The following DNAH8 variants were observed in gnomAD, a reference collection of about 807,000 sequenced individuals.
DNAH8 encodes dynein axonemal heavy chain 8.
A neutral mutation model predicts 562.1 loss-of-function variants in DNAH8; 382 were observed. The ratio of observed to expected loss-of-function variants is 0.68; its 90% CI spans 0.63 to 0.74. DNAH8 has a LOEUF of 0.74. Among genes scored for constraint, DNAH8 ranks in the 30% least tolerant of loss-of-function variants. DNAH8 has a pLI of 0.00. For synonymous variants in DNAH8, 1,881 were observed against 1,919.4 expected (o/e 0.98, Z 0.52); for missense variants, 5,203 against 5,620.4 (o/e 0.93, Z 2.37).
chr6:38,787,783 A>G (rs1447444153), intron 18 of DNAH8, among the ~76,000 whole-genome samples: 1 of 151,956 alleles, frequency 6.6e-6, no homozygotes, highest in African/African-American at 2.4e-5. Flanking sequence ...GTATATTCAG[A>G]TCCTAACACA....
intron 85 of DNAH8, among the ~76,000 whole-genome samples, chr6:38,975,728 AT>A (rs1331548629): frequency 6.6e-6 from 1 of 152,218 alleles, no homozygotes; most frequent in African/African-American, 2.4e-5. Flanking sequence ...TATTTCATAC[AT>A]TCTTATCTGG....
At chr6:39,010,808 C>CAT (rs1339722256) in intron 89 of DNAH8, among the ~76,000 whole-genome samples, 2 of 136,824 alleles carry the variant, frequency 1.5e-5, no homozygotes, top group African/African-American at 5.3e-5. Context: ...TACGCACACA[C>CAT]ACACACACAC....
intron 91 of DNAH8, 99 bp downstream of exon 91, chr6:39,012,736 G>T (rs565264753): frequency 2.3e-6 from 2 of 886,194 alleles, no homozygotes; most frequent in Admixed American, 3.9e-5. Flanking sequence ...ATATGGAGGC[G>T]TAGCTTGCTG....
chr6:38,824,373 A>C (rs1290357564), intron 28 of DNAH8, among the ~76,000 whole-genome samples: 1 of 152,010 alleles, frequency 6.6e-6, no homozygotes, highest in Non-Finnish European at 1.5e-5. Context: ...AGGCGGGTTT[A>C]TTGGAGTAAG....
rs956920094 is a variant in DNAH8 at position 39,000,788 on chromosome 6, C to T, written c.13215-8026C>T. Reference sequence around the variant, plus strand: ...TTGAATCATCCCGAAACTTTTCCGCCGCCTCCCCTCCAGTCTATGGAAAAA... The same window carrying T: ...TTGAATCATCCCGAAACTTTTCCGCTGCCTCCCCTCCAGTCTATGGAAAAA... On this transcript the variant is annotated intron_variant, in intron 88 of 92. Transcript: ENST00000327475. Among the ~76,000 whole-genome samples the T allele has an allele frequency of 5.9e-5, 9 of 152,210 alleles. No homozygotes were observed. The South Asian group carries it at 1.7e-3, about 28-fold the overall frequency.
At chr6:38,827,022 G>C (rs1162998883) in intron 29 of DNAH8, among the ~76,000 whole-genome samples, 1 of 152,132 alleles carries the variant, frequency 6.6e-6, no homozygotes, top group African/African-American at 2.4e-5. Flanking sequence ...GGGCCATGTT[G>C]CTCCTGGAGG....
chr6:38,812,525 T>A (rs571826126), intron 24 of DNAH8, among the ~76,000 whole-genome samples: 13 of 152,336 alleles, frequency 8.5e-5, no homozygotes, highest in South Asian at 2.1e-4. Flanking sequence ...TCTGTCACGC[T>A]CTACAGAGGC....
rs140047863 is a variant in DNAH8 at position 38,790,333 on chromosome 6, G to A, written c.2709G>A (p.Ser903=). ...LRQGLTVLTW[S]SLTLESFFQE... ...AAGGACTCACAGTGTTAACATGGTC[G>A]TCTTTAACACTGGAAAGCTTCTTTC... Residue 903 remains serine, a synonymous_variant, in exon 20 of 93, where the codon TCG becomes TCA. Transcript: ENST00000327475. 2.7e-4 allele frequency: 438 copies of A among 1,607,604 alleles called. 2 individuals are homozygous for A. In the African/African-American group the frequency reaches 5.0e-3, roughly 18 times the overall value.
chr6:39,006,491 C>G (rs970745042), intron 88 of DNAH8, among the ~76,000 whole-genome samples: 1 of 152,176 alleles, frequency 6.6e-6, no homozygotes, highest in Non-Finnish European at 1.5e-5. Flanking sequence ...TCTGTTGTTT[C>G]TACTGGCTCT....
chr6:38,937,732 C>T (rs950441644), intron 77 of DNAH8, among the ~76,000 whole-genome samples: 1 of 152,028 alleles, frequency 6.6e-6, no homozygotes, highest in South Asian at 2.1e-4. Context: ...TTGCTTTTTG[C>T]AGATGTTTAG....
intron 81 of DNAH8, 150 bp from the exon 82 acceptor site, chr6:38,951,168 G>A: frequency 1.4e-6 from 1 of 690,582 alleles, no homozygotes; most frequent in Non-Finnish European, 2.5e-6. Context: ...ATCTGTGATA[G>A]GAAACCTTGC....
intron 3 of DNAH8, among the ~76,000 whole-genome samples, chr6:38,728,825 T>G (rs1259921101): frequency 1.3e-5 from 2 of 152,192 alleles, no homozygotes; most frequent in Non-Finnish European, 2.9e-5. Context: ...TGTGATTCTC[T>G]GATGCACACT....
intron 49 of DNAH8, among the ~76,000 whole-genome samples, chr6:38,871,753 T>TTAG (rs1233763405): frequency 3.9e-5 from 6 of 152,166 alleles, no homozygotes; most frequent in African/African-American, 1.4e-4. Flanking sequence ...GTGTTTTCGC[T>TTAG]TCTAATAGCA....
At chr6:38,892,858 C>T (rs1019673263) in intron 58 of DNAH8, among the ~76,000 whole-genome samples, 4 of 152,100 alleles carry the variant, frequency 2.6e-5, no homozygotes, top group Non-Finnish European at 5.9e-5. Context: ...CCTTGAGTAC[C>T]CCAGGTTTAT....
intron 3 of DNAH8, among the ~76,000 whole-genome samples, chr6:38,724,157 A>G (rs999900210): frequency 2.0e-5 from 3 of 151,382 alleles, no homozygotes; most frequent in East Asian, 3.9e-4. Context: ...TTTTTTTTGT[A>G]TTTTTAGTAG....
chr6:38,728,782 G>A (rs1763429753), intron 3 of DNAH8, among the ~76,000 whole-genome samples: 1 of 152,164 alleles, frequency 6.6e-6, no homozygotes, highest in Non-Finnish European at 1.5e-5. Flanking sequence ...TGATAGGAAT[G>A]CAAATCATTT....
chr6:38,723,881 AG>A (rs1018351164), intron 3 of DNAH8, among the ~76,000 whole-genome samples: 1 of 152,036 alleles, frequency 6.6e-6, no homozygotes, highest in African/African-American at 2.4e-5. Flanking sequence ...GAAAGAAAAA[AG>A]AAAAAGACAA....
intron 21 of DNAH8, among the ~76,000 whole-genome samples, chr6:38,797,446 C>T (rs1770371105): frequency 1.3e-5 from 2 of 152,258 alleles, no homozygotes; most frequent in East Asian, 3.9e-4. Flanking sequence ...ATGTTTTCTT[C>T]CCTAAGAAAG....
In DNAH8 at chr6:38,863,880, A is replaced by C. The variant is rs745476358; in HGVS notation, c.6318A>C (p.Ala2106=). ...RGLGRIFKGL[A]QSGSWGCFDE... ...AACTGTTTTTCATGCCAGGTCTTGC[A>C]CAGTCGGGTTCCTGGGGCTGTTTTG... The change falls in exon 45 of 93, where the codon GCA becomes GCC. Residue 2106 remains alanine, a synonymous_variant. Coordinates refer to ENST00000327475, the MANE Select transcript of DNAH8 (RefSeq NM_001206927.2). 1 of 1,589,812 alleles carries C rather than the reference A, an allele frequency of 6.3e-7. No homozygotes were observed. Among genetic ancestry groups the C allele is most frequent in the Non-Finnish European group, 8.5e-7 (1 of 1,173,796 alleles).
Sources: allele counts gnomAD v4.1 joint callset (sites outside exome capture counted in the v4.1 genomes callset), GRCh38; gene constraint gnomAD v4.1.1; transcripts MANE v1.5; gene names NCBI Gene and HGNC (gene_info 2026-07-23, HGNC 2026-07-21).